The following LRP1B variants were observed in gnomAD, a reference collection of about 807,000 sequenced individuals.
The protein encoded by LRP1B is LDL receptor related protein 1B, also known as low-density lipoprotein receptor-related protein 1B.
Under a neutral mutation model 556.6 loss-of-function variants are expected in LRP1B, and 217 were observed. The ratio of observed to expected loss-of-function variants is 0.39; its 90% CI spans 0.35 to 0.44. The LOEUF (loss-of-function observed/expected upper bound fraction) is 0.44, where lower values mean the gene tolerates loss of function less well. Ranked by LOEUF, LRP1B falls within the 20% of genes least tolerant of loss-of-function variation. The pLI is 1.00. For missense variants in LRP1B, 5,053 were observed against 5,620.8 expected (o/e 0.90, Z 3.23); for synonymous variants, 2,047 against 1,865.8 (o/e 1.10, Z -2.50).
intron 43 of LRP1B, among the ~76,000 whole-genome samples, chr2:140,583,015 A>G (rs1681833633): frequency 6.6e-6 from 1 of 152,058 alleles, no homozygotes; most frequent in Admixed American, 6.6e-5. Flanking sequence ...CCCTTCAATG[A>G]GCAGAATTAT....
chr2:141,739,680 G>GT (rs530110334), intron 2 of LRP1B, among the ~76,000 whole-genome samples: 27,575 of 142,990 alleles, frequency 0.19, 2,704 homozygotes, highest in East Asian at 0.36. Flanking sequence ...TCTACTGGTT[G>GT]TTTTTTTTTT....
At chr2:141,800,776 A>G (rs1181608348) in intron 2 of LRP1B, among the ~76,000 whole-genome samples, 1 of 152,224 alleles carries the variant, frequency 6.6e-6, no homozygotes, top group Non-Finnish European at 1.5e-5. Flanking sequence ...CATAGGTTAA[A>G]GCTATGGCAC....
chr2:141,801,826 G>T (rs1445139839), intron 2 of LRP1B, among the ~76,000 whole-genome samples: 1 of 151,930 alleles, frequency 6.6e-6, no homozygotes, highest in African/African-American at 2.4e-5. Context: ...ATATCTTCAA[G>T]AAAAATTTAA....
At chr2:140,289,143 C>T (rs985246260) in intron 84 of LRP1B, among the ~76,000 whole-genome samples, 2 of 151,798 alleles carry the variant, frequency 1.3e-5, no homozygotes, top group East Asian at 1.9e-4. Context: ...GGGCAAGTTC[C>T]GTGGTGTACA....
chr2:142,072,089 G>A (rs951952554), intron 1 of LRP1B, among the ~76,000 whole-genome samples: 14 of 151,900 alleles, frequency 9.2e-5, no homozygotes, highest in African/African-American at 3.4e-4. Flanking sequence ...GTATGCTGCA[G>A]ATCTACTCTG....
chr2:140,874,901 C>T (rs2105170269), intron 25 of LRP1B, among the ~76,000 whole-genome samples: 1 of 152,004 alleles, frequency 6.6e-6, no homozygotes, highest in South Asian at 2.1e-4. Context: ...CACCTGTAAT[C>T]CCAGCTACTC....
At chr2:141,285,742 C>T in intron 3 of LRP1B, among the ~76,000 whole-genome samples, 1 of 145,066 alleles carries the variant, frequency 6.9e-6, no homozygotes, top group African/African-American at 2.5e-5. Context: ...AGGTGTGAGC[C>T]ACCGAGCCCG....
intron 7 of LRP1B, among the ~76,000 whole-genome samples, chr2:141,160,788 A>AT (rs1431042917): frequency 6.6e-6 from 1 of 151,908 alleles, no homozygotes; most frequent in Admixed American, 6.6e-5. Context: ...AAATATGAGA[A>AT]TTTTTTTGTG....
intron 3 of LRP1B, among the ~76,000 whole-genome samples, chr2:141,306,998 G>A (rs1048164828): frequency 9.2e-5 from 14 of 152,056 alleles, no homozygotes; most frequent in Admixed American, 2.6e-4. Context: ...TTATAAATTT[G>A]TTGAGACTTC....
rs970246213 is a variant in LRP1B, at chr2:141,660,477, TC to T, written c.205+149801del. On this transcript the variant is annotated intron_variant, in intron 2 of 90. Coordinates refer to ENST00000389484, the MANE Select transcript of LRP1B (RefSeq NM_018557.3). ...ATCACTACAGCTCCAGTCTGGCAGT[TC>T]CCCCCCGCTGGTGCCGCGGAAACTG... Among the ~76,000 whole-genome samples, 8 of 151,256 alleles carry T rather than the reference TC, an allele frequency of 5.3e-5. No individual in the cohort carries two copies. In the South Asian group the frequency reaches 1.1e-3, roughly 20 times the overall value.
Position 140,373,021 on chromosome 2 carries a change from T to C in LRP1B, c.10755A>G (p.Lys3585=). 6.2e-7 allele frequency: 1 copy of C among 1,613,378 alleles called. No homozygotes were observed. ...HEDCKYGEDE[K]SCEPASPTCS... ...CAATCCTTTTACCTGGCTCACAGCT[T>C]TTCTCATCTTCCCCATATTTGCAGT... The change falls in exon 69 of 91, where the codon AAA becomes AAG. Residue 3585 remains lysine (K), a synonymous_variant. Coordinates refer to ENST00000389484, the MANE Select transcript of LRP1B (RefSeq NM_018557.3).
At chr2:140,833,557 T>A (rs894769209) in intron 31 of LRP1B, among the ~76,000 whole-genome samples, 1 of 152,232 alleles carries the variant, frequency 6.6e-6, no homozygotes, top group Admixed American at 6.5e-5. Context: ...ATGTTTTTGT[T>A]GCCAGATACA....
chr2:142,087,634 C>G (rs1705997702), intron 1 of LRP1B, among the ~76,000 whole-genome samples: 1 of 151,106 alleles, frequency 6.6e-6, no homozygotes. Context: ...AAATATCGCC[C>G]CTTTTCAGCA....
intron 2 of LRP1B, among the ~76,000 whole-genome samples, chr2:141,619,767 G>C (rs1272237476): frequency 3.3e-5 from 5 of 151,792 alleles, no homozygotes; most frequent in Non-Finnish European, 1.5e-5. Flanking sequence ...GACATGAGAT[G>C]AAATTGGCAG....
At chr2:141,472,905 A>C (rs1178948127) in intron 3 of LRP1B, among the ~76,000 whole-genome samples, 3 of 152,176 alleles carry the variant, frequency 2.0e-5, no homozygotes, top group Non-Finnish European at 2.9e-5. Flanking sequence ...TAATATTAAC[A>C]TTCATCAAAG....
chr2:141,076,255 A>G (rs541953630), intron 7 of LRP1B, among the ~76,000 whole-genome samples: 1 of 152,332 alleles, frequency 6.6e-6, no homozygotes, highest in South Asian at 2.1e-4. Context: ...ATGCATTTTG[A>G]TAATTGCAGA....
chr2:140,633,949 T>C (rs556251389), intron 41 of LRP1B, among the ~76,000 whole-genome samples: 1 of 152,256 alleles, frequency 6.6e-6, no homozygotes, highest in South Asian at 2.1e-4. Flanking sequence ...GTCCACTGGA[T>C]GAGGCTAGCC....
intron 2 of LRP1B, among the ~76,000 whole-genome samples, chr2:141,594,091 C>T (rs573356777): frequency 6.6e-6 from 1 of 152,204 alleles, no homozygotes; most frequent in East Asian, 1.9e-4. Context: ...TTTGCCTACT[C>T]ACAAGCCAAT....
Position 140,575,948 on chromosome 2 carries a change from A to AC in LRP1B, c.7194+22682_7194+22683insG, listed in dbSNP as rs1361068292. ...AAAAACAAAAAACAAAAAACAAAAA[A>AC]AAAGTATCAAAGAACGCGTTCAGCC... is the stretch of plus-strand genomic sequence containing the variant. On this transcript the variant is annotated intron_variant, in intron 43 of 90. Coordinates refer to ENST00000389484, the MANE Select transcript of LRP1B (RefSeq NM_018557.3). Among the ~76,000 whole-genome samples, 437 of 151,846 alleles carry AC rather than the reference A, an allele frequency of 2.9e-3. 1 individual carries two copies. The highest frequency in any genetic ancestry group is 0.01 in the African/African-American group (417 of 41,322).
Sources: gnomAD v4.1 joint callset for allele counts (sites outside exome capture counted in the v4.1 genomes callset) on GRCh38, gnomAD v4.1.1 for gene constraint, MANE v1.5 for transcripts, NCBI Gene and HGNC (gene_info 2026-07-23, HGNC 2026-07-21) for gene names.